STXBP5L: variants seen among roughly 807,000 people sequenced by gnomAD.
STXBP5L encodes the protein syntaxin binding protein 5L.
Under a neutral mutation model 144.5 loss-of-function variants are expected in STXBP5L, and 65 were observed. The observed-to-expected ratio is 0.45, with a 90% CI of 0.37 to 0.55. STXBP5L has a LOEUF of 0.55. STXBP5L is among the 20% of genes least tolerant of loss of function. The pLI, the probability that STXBP5L is intolerant of heterozygous loss-of-function variation, is 0.00. For synonymous variants in STXBP5L, 505 were observed against 469.6 expected (o/e 1.08, Z -0.97); for missense variants, 1,298 against 1,405.5 (o/e 0.92, Z 1.22).
chr3:121,290,543 C>G (rs1397356642), intron 19 of STXBP5L, among the ~76,000 whole-genome samples: 1 of 152,028 alleles, frequency 6.6e-6, no homozygotes, highest in Non-Finnish European at 1.5e-5. Flanking sequence ...GAATCCTCCC[C>G]CCAAATCATT....
At chr3:121,378,501 A>C (rs1373998684) in intron 20 of STXBP5L, among the ~76,000 whole-genome samples, 1 of 152,236 alleles carries the variant, frequency 6.6e-6, no homozygotes, top group Non-Finnish European at 1.5e-5. Context: ...AAATATAAAA[A>C]AATGAATCTT....
intron 9 of STXBP5L, among the ~76,000 whole-genome samples, chr3:121,161,065 T>A (rs1020329290): frequency 1.3e-5 from 2 of 152,136 alleles, no homozygotes; most frequent in African/African-American, 4.8e-5. Flanking sequence ...TAAATCATCA[T>A]GTCTTTTTTT....
At chr3:121,033,242 T>C (rs1946501084) in intron 3 of STXBP5L, among the ~76,000 whole-genome samples, 1 of 137,044 alleles carries the variant, frequency 7.3e-6, no homozygotes, top group Non-Finnish European at 1.6e-5. Context: ...TATGCAGCCA[T>C]AAAAAATGAT....
At chr3:120,909,888 A>T in intron 2 of STXBP5L, 121 bp downstream of exon 2, 4 of 1,048,472 alleles carry the variant, frequency 3.8e-6, no homozygotes, top group South Asian at 1.6e-5. Flanking sequence ...AGTCTGCTGC[A>T]GAAAGCTCTG....
At chr3:120,943,236 A>G (rs1388565104) in intron 2 of STXBP5L, among the ~76,000 whole-genome samples, 1 of 151,778 alleles carries the variant, frequency 6.6e-6, no homozygotes, top group Non-Finnish European at 1.5e-5. Context: ...GATTCCTTAG[A>G]GACTAAAGAT....
At chr3:121,292,517 G>A (rs897248418) in intron 19 of STXBP5L, among the ~76,000 whole-genome samples, 5 of 152,142 alleles carry the variant, frequency 3.3e-5, no homozygotes, top group Admixed American at 3.3e-4. Context: ...TCTACCATTC[G>A]ATCCAGCAAT....
intron 3 of STXBP5L, among the ~76,000 whole-genome samples, chr3:120,974,680 G>T (rs556847761): frequency 6.6e-6 from 1 of 152,002 alleles, no homozygotes; most frequent in Non-Finnish European, 1.5e-5. Flanking sequence ...TTTTAGGTCT[G>T]ACGTTTAAGT....
chr3:121,331,563 A>G (rs1292762077), intron 20 of STXBP5L, among the ~76,000 whole-genome samples: 1 of 152,114 alleles, frequency 6.6e-6, no homozygotes, highest in African/African-American at 2.4e-5. Context: ...TGTGTCTGGG[A>G]GTTGAGTAGC....
At chr3:120,915,184 A>G (rs773596739) in intron 2 of STXBP5L, among the ~76,000 whole-genome samples, 24 of 152,144 alleles carry the variant, frequency 1.6e-4, no homozygotes, top group Non-Finnish European at 3.1e-4. Flanking sequence ...AGCTAAGTTA[A>G]AATCTTAACA....
chr3:120,988,406 C>CTT (rs1942509850), intron 3 of STXBP5L, among the ~76,000 whole-genome samples: 1 of 151,742 alleles, frequency 6.6e-6, no homozygotes, highest in East Asian at 1.9e-4. Flanking sequence ...TGTTTGGAAA[C>CTT]CTTCTTCTTG....
chr3:121,095,762 G>A (rs890729614), intron 5 of STXBP5L, among the ~76,000 whole-genome samples: 19 of 149,192 alleles, frequency 1.3e-4, no homozygotes, highest in African/African-American at 1.9e-4. Flanking sequence ...AAGTTTGATC[G>A]TCTGAAGCCT....
At chr3:120,918,060 G>A (rs1249970302) in intron 2 of STXBP5L, among the ~76,000 whole-genome samples, 1 of 152,188 alleles carries the variant, frequency 6.6e-6, no homozygotes, top group East Asian at 1.9e-4. Flanking sequence ...AGCTTTTAGA[G>A]GCTGATCACA....
chr3:121,335,856 C>A (rs1006656316), intron 20 of STXBP5L, among the ~76,000 whole-genome samples: 2 of 152,040 alleles, frequency 1.3e-5, no homozygotes, highest in African/African-American at 2.4e-5. Context: ...GACATAGAAA[C>A]CGGCAAAGAT....
At chr3:121,377,582 C>A (rs1473868329) in intron 20 of STXBP5L, among the ~76,000 whole-genome samples, 5 of 152,206 alleles carry the variant, frequency 3.3e-5, no homozygotes, top group Non-Finnish European at 5.9e-5. Flanking sequence ...AGCTCATCAT[C>A]ACTGGTCATT....
intron 11 of STXBP5L, among the ~76,000 whole-genome samples, chr3:121,226,230 G>A (rs1170896062): frequency 6.6e-6 from 1 of 152,196 alleles, no homozygotes; most frequent in Non-Finnish European, 1.5e-5. Flanking sequence ...TGTCTAGTAA[G>A]AGCATGCAGT....
chr3:121,111,146 A>G (rs1055467727), intron 5 of STXBP5L, among the ~76,000 whole-genome samples: 1 of 152,106 alleles, frequency 6.6e-6, no homozygotes, highest in African/African-American at 2.4e-5. Flanking sequence ...GTAATGTTTT[A>G]TCATGGTTAT....
chr3:121,199,588 T>C (rs2048058066), intron 9 of STXBP5L, among the ~76,000 whole-genome samples: 1 of 152,228 alleles, frequency 6.6e-6, no homozygotes, highest in Non-Finnish European at 1.5e-5. Context: ...TTCCAGCTTT[T>C]GCACATTCAG....
intron 19 of STXBP5L, among the ~76,000 whole-genome samples, chr3:121,302,654 CT>C (rs1352823446): frequency 2.0e-5 from 3 of 151,884 alleles, no homozygotes; most frequent in Non-Finnish European, 4.4e-5. Flanking sequence ...AATTTTAGAT[CT>C]TTCCACAGCA....
At chr3:121,091,804 C>T (rs1327299130) in intron 5 of STXBP5L, among the ~76,000 whole-genome samples, 2 of 152,126 alleles carry the variant, frequency 1.3e-5, no homozygotes, top group East Asian at 1.9e-4. Context: ...TCAATTTTGT[C>T]TTTTATTGCC....
Sources: gnomAD v4.1 joint callset for allele counts (sites outside exome capture counted in the v4.1 genomes callset) on GRCh38, gnomAD v4.1.1 for gene constraint, MANE v1.5 for transcripts, NCBI Gene and HGNC (gene_info 2026-07-23, HGNC 2026-07-21) for gene names.